CA10: variants seen among roughly 807,000 people sequenced by gnomAD.
CA10 encodes carbonic anhydrase-related protein 10.
CA10 carries 14 observed loss-of-function variants against 44.2 expected under a neutral mutation model. The ratio of observed to expected loss-of-function variants is 0.32; its 90% CI spans 0.21 to 0.50. The LOEUF is 0.50. CA10 is among the 20% of genes least tolerant of loss of function. CA10 has a pLI of 0.99. For synonymous variants in CA10, 159 were observed against 141.6 expected (o/e 1.12, Z -0.87); for missense variants, 350 against 409.7 (o/e 0.85, Z 1.26).
rs1467927917 is a variant in CA10, at chr17:52,149,880, T to G, written c.61+7846A>C. On this transcript the variant is annotated intron_variant, in intron 1 of 8. Transcript: ENST00000451037. ...GCCAAAGCTTTAATACTGACTGGTC[T>G]CTTCCTAATGAAGGATGCAAACTGC... Among the ~76,000 whole-genome samples, 4 of 152,230 alleles carry G rather than the reference T, an allele frequency of 2.6e-5. No individual in the cohort carries two copies. The East Asian group carries it at 7.7e-4, about 29-fold the overall frequency.
Position 51,630,543 on chromosome 17 carries a change from T to C in CA10, c.*1041A>G, listed in dbSNP as rs1351208462. The C allele has an allele frequency of 6.6e-6, 1 of 152,656 alleles. No homozygotes were observed. The highest frequency in any genetic ancestry group is 2.4e-5 in the African/African-American group (1 of 41,454). The allele number at this position is 152,656 out of a possible 1,614,324, so 9.5% of individuals were successfully genotyped here. A position where few individuals can be genotyped will look rare whatever the true frequency, so the allele number is the denominator to read the frequency against. On this transcript the variant is annotated 3_prime_UTR_variant, in exon 9 of 9. Transcript: ENST00000451037. Reference sequence around the variant, plus strand: ...TTTGAAACGCAAGAAGTCTGTCGCCTGCTATCTCAGGCTGAAGCTCACCTC... The same window carrying C: ...TTTGAAACGCAAGAAGTCTGTCGCCCGCTATCTCAGGCTGAAGCTCACCTC...
chr17:51,877,911 G>A lies in CA10; in HGVS notation c.279+53079C>T, dbSNP rs149258511. Among the ~76,000 whole-genome samples the A allele has an allele frequency of 2.6e-3, 402 of 152,018 alleles. 13 individuals carry two copies. The East Asian group carries it at 0.051, about 19-fold the overall frequency. ...TGTAATCCCAGCACTTTGGGAGGCC[G>A]AGGCAGACGGATCACAAGGTCAGGA... On this transcript the variant is annotated intron_variant, in intron 3 of 8. Coordinates refer to ENST00000451037, the MANE Select transcript of CA10 (RefSeq NM_020178.5).
At chr17:52,116,947 C>G (rs1318973759) in intron 1 of CA10, among the ~76,000 whole-genome samples, 1 of 152,124 alleles carries the variant, frequency 6.6e-6, no homozygotes, top group Non-Finnish European at 1.5e-5. Context: ...TTGTTGGTCC[C>G]ACTGGTGAGG....
chr17:51,842,435 C>T (rs927786830), intron 3 of CA10, among the ~76,000 whole-genome samples: 1 of 152,104 alleles, frequency 6.6e-6, no homozygotes, highest in Non-Finnish European at 1.5e-5. Flanking sequence ...AAAAATATAT[C>T]CTGTTTATCC....
At chr17:51,847,342 A>G (rs1978539755) in intron 3 of CA10, among the ~76,000 whole-genome samples, 1 of 152,162 alleles carries the variant, frequency 6.6e-6, no homozygotes, top group Non-Finnish European at 1.5e-5. Flanking sequence ...CTTTTCTGTT[A>G]AAGTTTGTCT....
intron 2 of CA10, among the ~76,000 whole-genome samples, chr17:51,954,300 GTTCAT>G (rs1983587184): frequency 1.3e-5 from 2 of 152,124 alleles, no homozygotes. Context: ...CATTAAAAAA[GTTCAT>G]TTACTTCCAT....
chr17:51,821,909 T>C (rs960577538), intron 3 of CA10, among the ~76,000 whole-genome samples: 8 of 152,214 alleles, frequency 5.3e-5, no homozygotes, highest in Non-Finnish European at 1.0e-4. Context: ...ATTTTCTCAT[T>C]TGTAAAATGG....
chr17:52,159,177 T>TA (rs1232041283), upstream of CA10: 2 of 151,590 alleles, frequency 1.3e-5, no homozygotes, highest in African/African-American at 2.4e-5. Context: ...TATTGGAGAT[T>TA]TTTTTGCATA....
intron 3 of CA10, among the ~76,000 whole-genome samples, chr17:51,775,612 A>G (rs1022422874): frequency 6.6e-6 from 1 of 152,202 alleles, no homozygotes; most frequent in Non-Finnish European, 1.5e-5. Flanking sequence ...GTCCTCATCA[A>G]GTATGTATTT....
chr17:52,046,658 G>A (rs1487127091), intron 2 of CA10, among the ~76,000 whole-genome samples: 3 of 151,672 alleles, frequency 2.0e-5, no homozygotes, highest in Non-Finnish European at 4.4e-5. Flanking sequence ...GAAGATGATG[G>A]AACACTTTAC....
intron 3 of CA10, among the ~76,000 whole-genome samples, chr17:51,928,874 C>T (rs1411595814): frequency 6.6e-6 from 1 of 152,130 alleles, no homozygotes; most frequent in Non-Finnish European, 1.5e-5. Context: ...CATTTCATTA[C>T]CAATTAGTTT....
At chr17:51,849,227 GTGTGTGTATATA>G (rs1978665579) in intron 3 of CA10, among the ~76,000 whole-genome samples, 2 of 25,408 alleles carry the variant, frequency 7.9e-5, no homozygotes, top group Admixed American at 3.8e-4. Flanking sequence ...ATACATATAT[GTGTGTGTATATA>G]TATATATATA....
At chr17:51,784,763 T>A (rs929420421) in intron 3 of CA10, among the ~76,000 whole-genome samples, 1 of 152,262 alleles carries the variant, frequency 6.6e-6, no homozygotes, top group Non-Finnish European at 1.5e-5. Context: ...CAAGCACTTA[T>A]CTTTTGTGTT....
chr17:51,796,362 C>A (rs1250304661), intron 3 of CA10, among the ~76,000 whole-genome samples: 1 of 152,140 alleles, frequency 6.6e-6, no homozygotes, highest in Non-Finnish European at 1.5e-5. Flanking sequence ...TGTGCAAAGA[C>A]TTCAAAGAAG....
chr17:51,669,339 T>C (rs1454925382), intron 4 of CA10, among the ~76,000 whole-genome samples: 1 of 152,152 alleles, frequency 6.6e-6, no homozygotes, highest in Non-Finnish European at 1.5e-5. Flanking sequence ...TAGTGGGGAC[T>C]TGGAGAACTT....
At chr17:51,996,066 T>C (rs945200389) in intron 2 of CA10, among the ~76,000 whole-genome samples, 7 of 152,202 alleles carry the variant, frequency 4.6e-5, no homozygotes, top group Non-Finnish European at 8.8e-5. Flanking sequence ...TCCTCAGATA[T>C]GCCTTGTCAC....
chr17:52,029,572 C>T (rs985014245), intron 2 of CA10, among the ~76,000 whole-genome samples: 4 of 151,172 alleles, frequency 2.6e-5, no homozygotes, highest in African/African-American at 4.8e-5. Context: ...AAGGCGAAGG[C>T]GTTTGCTGTT....
chr17:51,936,770 G>C (rs1442989226), intron 2 of CA10, among the ~76,000 whole-genome samples: 1 of 152,124 alleles, frequency 6.6e-6, no homozygotes, highest in African/African-American at 2.4e-5. Flanking sequence ...ATCTGCCTCA[G>C]ATGGAACACA....
chr17:51,961,156 C>A (rs1313078545), intron 2 of CA10, among the ~76,000 whole-genome samples: 1 of 149,716 alleles, frequency 6.7e-6, no homozygotes, highest in African/African-American at 2.5e-5. Context: ...AGCCAATTTC[C>A]TGCCCCTACT....
Sources: gnomAD v4.1 joint callset for allele counts (sites outside exome capture counted in the v4.1 genomes callset) on GRCh38, gnomAD v4.1.1 for gene constraint, MANE v1.5 for transcripts, NCBI Gene and HGNC (gene_info 2026-07-23, HGNC 2026-07-21) for gene names.